Variants in SGCD observed in about 807,000 individuals in gnomAD.
SGCD encodes the protein sarcoglycan delta.
In SGCD, 18 loss-of-function variants were observed where a neutral mutation model predicts 36.6. The observed-to-expected ratio is 0.49, with a 90% CI of 0.34 to 0.73. The LOEUF is 0.73. Ranked by LOEUF, SGCD falls within the 30% of genes least tolerant of loss-of-function variation. The pLI is 0.01. For missense variants in SGCD, 387 were observed against 346.7 expected, an observed-to-expected ratio of 1.12 and a Z score of -0.92; for synonymous variants, 133 against 130.6, an observed-to-expected ratio of 1.02 and a Z score of -0.12.
chr5:155,798,006 T>C, the SGCD span, among the ~76,000 whole-genome samples: 1 of 152,184 alleles, frequency 6.6e-6, no homozygotes, highest in Non-Finnish European at 1.5e-5. Flanking sequence ...TGTTCAGTTG[T>C]TCCTCACCCA....
intron 3 of SGCD, among the ~76,000 whole-genome samples, chr5:156,185,123 T>C (rs1355124049): frequency 1.3e-5 from 2 of 152,154 alleles, no homozygotes; most frequent in African/African-American, 4.8e-5. Flanking sequence ...GTTTGTGTTT[T>C]GGTTCTAAAT....
the SGCD span, among the ~76,000 whole-genome samples, chr5:155,831,585 A>G: frequency 2.6e-5 from 4 of 152,202 alleles, no homozygotes; most frequent in African/African-American, 9.6e-5. Context: ...TTCGGCTTAC[A>G]ATTAGAGCTT....
chr5:156,752,231 T>C (rs987991377), intron 7 of SGCD, among the ~76,000 whole-genome samples: 1 of 152,244 alleles, frequency 6.6e-6, no homozygotes, highest in African/African-American at 2.4e-5. Flanking sequence ...AGGATGCAAA[T>C]TTAGTCATAA....
chr5:155,747,518 G>T, the SGCD span, among the ~76,000 whole-genome samples: 2 of 152,158 alleles, frequency 1.3e-5, no homozygotes, highest in Non-Finnish European at 2.9e-5. Context: ...GGAGGATAGG[G>T]ACCTTTTATT....
At chr5:155,844,421 TTGTGTGTGTGTG>T in the SGCD span, among the ~76,000 whole-genome samples, 10 of 144,496 alleles carry the variant, frequency 6.9e-5, no homozygotes, top group African/African-American at 1.3e-4. Flanking sequence ...TGCTAAGGCT[TTGTGTGTGTGTG>T]TGTGTGTGTG....
the SGCD span, among the ~76,000 whole-genome samples, chr5:155,735,526 C>T: frequency 6.6e-6 from 1 of 152,196 alleles, no homozygotes; most frequent in Non-Finnish European, 1.5e-5. Context: ...GGTCATCCAG[C>T]AAGTTAGTGC....
chr5:156,169,965 G>A (rs1252294516), intron 3 of SGCD, among the ~76,000 whole-genome samples: 3 of 152,136 alleles, frequency 2.0e-5, no homozygotes, highest in South Asian at 2.1e-4. Context: ...CTCTGGGTGT[G>A]CCCGTGGTGT....
chr5:156,477,394 G>T (rs1378734132), intron 3 of SGCD, among the ~76,000 whole-genome samples: 2 of 152,074 alleles, frequency 1.3e-5, no homozygotes, highest in African/African-American at 2.4e-5. Context: ...CATAGGACAG[G>T]CCCCATGACT....
intron 3 of SGCD, among the ~76,000 whole-genome samples, chr5:156,142,330 T>C (rs1219627891): frequency 2.0e-5 from 3 of 152,204 alleles, no homozygotes; most frequent in African/African-American, 7.2e-5. Context: ...CAAGTATTTC[T>C]TTACAACAAT....
intron 6 of SGCD, among the ~76,000 whole-genome samples, chr5:156,643,899 A>G (rs1763133009): frequency 6.6e-6 from 1 of 152,172 alleles, no homozygotes; most frequent in African/African-American, 2.4e-5. Flanking sequence ...TTCATCAGAT[A>G]TTTTAACTCT....
At chr5:156,606,546 T>C (rs1761464710) in intron 6 of SGCD, among the ~76,000 whole-genome samples, 1 of 152,192 alleles carries the variant, frequency 6.6e-6, no homozygotes, top group Non-Finnish European at 1.5e-5. Flanking sequence ...TTTGGTTCCA[T>C]ATGAACTTTA....
intron 1 of SGCD, among the ~76,000 whole-genome samples, chr5:155,961,505 C>T (rs185731522): frequency 5.9e-5 from 9 of 152,140 alleles, no homozygotes; most frequent in East Asian, 1.9e-4. Flanking sequence ...TTTAATTGGT[C>T]GGCAGTTTAA....
chr5:156,302,413 C>T (rs1322486202), intron 3 of SGCD, among the ~76,000 whole-genome samples: 1 of 151,892 alleles, frequency 6.6e-6, no homozygotes, highest in Admixed American at 6.6e-5. Flanking sequence ...CTCTGAATTT[C>T]TTCTGTGTTT....
chr5:156,440,980 T>C (rs534457283), intron 3 of SGCD, among the ~76,000 whole-genome samples: 1 of 152,270 alleles, frequency 6.6e-6, no homozygotes, highest in South Asian at 2.1e-4. Flanking sequence ...CATTGATTTT[T>C]ATTTGGTTAT....
chr5:156,267,995 A>G (rs1239103088), intron 3 of SGCD, among the ~76,000 whole-genome samples: 3 of 151,986 alleles, frequency 2.0e-5, no homozygotes, highest in Non-Finnish European at 4.4e-5. Flanking sequence ...TGCACCCTCC[A>G]CCCTCACGTA....
intron 3 of SGCD, among the ~76,000 whole-genome samples, chr5:156,185,521 A>G (rs1335154332): frequency 6.6e-6 from 1 of 151,662 alleles, no homozygotes; most frequent in Non-Finnish European, 1.5e-5. Flanking sequence ...GCCTCTTTTA[A>G]TTTTTTTAAT....
At chr5:155,905,532 G>A (rs1187059622) in intron 1 of SGCD, among the ~76,000 whole-genome samples, 1 of 152,038 alleles carries the variant, frequency 6.6e-6, no homozygotes, top group Non-Finnish European at 1.5e-5. Context: ...AAGTTCTCAC[G>A]TGCCAATGAA....
At chr5:156,225,523 A>G (rs988455642) in intron 3 of SGCD, among the ~76,000 whole-genome samples, 4 of 152,092 alleles carry the variant, frequency 2.6e-5, no homozygotes, top group Admixed American at 1.3e-4. Flanking sequence ...GAACCATGAA[A>G]TGGCATTCTG....
chr5:156,531,041 T>C (rs1757866972), intron 4 of SGCD, among the ~76,000 whole-genome samples: 1 of 152,208 alleles, frequency 6.6e-6, no homozygotes, highest in African/African-American at 2.4e-5. Flanking sequence ...TGTGATAGTA[T>C]TAAGAGGCGG....
Sources: allele counts gnomAD v4.1 joint callset (sites outside exome capture counted in the v4.1 genomes callset), GRCh38; gene constraint gnomAD v4.1.1; transcripts MANE v1.5; gene names NCBI Gene and HGNC (gene_info 2026-07-23, HGNC 2026-07-21).